TPR: variants seen among roughly 807,000 people sequenced by gnomAD.
TPR encodes the protein translocated promoter region, nuclear basket protein, also known as nucleoprotein TPR.
In TPR, 51 loss-of-function variants were observed where a neutral mutation model predicts 316.1. The observed-to-expected ratio is 0.16, with a 90% CI of 0.13 to 0.20. The LOEUF is 0.20. Ranked by LOEUF, TPR falls within the 10% of genes least tolerant of loss-of-function variation. The probability of loss-of-function intolerance (pLI) is 1.00; values close to 1 mark genes in which losing one functional copy is unlikely to be tolerated. For synonymous variants in TPR, 981 were observed against 914.7 expected (o/e 1.07, Z -1.31); for missense variants, 2,272 against 2,754.8 (o/e 0.82, Z 3.92).
intron 49 of TPR, among the ~76,000 whole-genome samples, chr1:186,316,244 T>C (rs1269342384): frequency 6.6e-6 from 1 of 152,158 alleles, no homozygotes; most frequent in Non-Finnish European, 1.5e-5. Context: ...TTACTGCGTA[T>C]GAAATGGTTC....
chr1:186,314,846 T>C (rs1022668995), intron 49 of TPR, 122 bp from the exon 50 acceptor site: 2 of 563,692 alleles, frequency 3.5e-6, no homozygotes, highest in Admixed American at 3.6e-5. Context: ...TTGATTTCAA[T>C]TCTTTTTTTC....
intron 6 of TPR, 89 bp from the exon 7 acceptor site, chr1:186,362,469 A>G: frequency 2.1e-6 from 2 of 965,072 alleles, no homozygotes; most frequent in Non-Finnish European, 3.1e-6. Flanking sequence ...GGAAAAGCTA[A>G]GTAACTCCCC....
At position 186,346,291 on chromosome 1, in the gene TPR, T is replaced by C; in HGVS notation, c.2944-4A>G. On this transcript the variant is annotated splice_polypyrimidine_tract_variant and splice_region_variant and intron_variant, in intron 22 of 50. Transcript: ENST00000367478. Reference sequence around the variant, plus strand: ...TCTTACGCACTTCTTCTGTCACCTTTACCATATTACAAACAGTAGGATATA... The same window carrying C: ...TCTTACGCACTTCTTCTGTCACCTTCACCATATTACAAACAGTAGGATATA... The C allele has an allele frequency of 6.2e-7, 1 of 1,609,592 alleles. No homozygotes were observed. Among genetic ancestry groups the C allele is most frequent in the African/African-American group, 1.3e-5 (1 of 74,808 alleles).
In TPR at chr1:186,360,276, A is replaced by G. The variant is rs769724952; in HGVS notation, c.1188T>C (p.Thr396=). The change falls in exon 11 of 51, where the codon ACT becomes ACC. Residue 396 remains threonine, a synonymous_variant. Coordinates refer to ENST00000367478, the MANE Select transcript of TPR (RefSeq NM_003292.3). ...CAACATTTAATACCATTCTTACCTC[A>G]GTTAGTTTCATCCCAGGTTTCACTA... ...AKIVKPGMKL[T]ELYNAYVETQ... 3.3e-5 allele frequency: 54 copies of G among 1,612,872 alleles called. No homozygotes were observed. Among genetic ancestry groups the G allele is most frequent in the Non-Finnish European group, 4.5e-5 (53 of 1,179,264 alleles).
intron 50 of TPR, chr1:186,314,368 T>C: frequency 2.8e-6 from 1 of 354,844 alleles, no homozygotes; most frequent in East Asian, 4.8e-5. Flanking sequence ...TAACACTTCA[T>C]ATTTTCCAAA....
chr1:186,316,633 T>C lies in TPR; in HGVS notation c.6940+849A>G, dbSNP rs560780641. 2.6e-5 allele frequency among the ~76,000 whole-genome samples: 4 copies of C among 152,340 alleles called. No individual in the cohort carries two copies. In the South Asian group the frequency reaches 8.3e-4, roughly 32 times the overall value. On this transcript the variant is annotated intron_variant, in intron 49 of 50. Coordinates refer to ENST00000367478, the MANE Select transcript of TPR (RefSeq NM_003292.3). The stretch of plus-strand genomic sequence containing the variant: ...AAAATTTGAGATAGATGAGCTAGTA[T>C]AGTGTATTGTTCAAGAGTGGGGTCT...
Position 186,375,165 on chromosome 1 carries a change from C to T in TPR, c.-137G>A, listed in dbSNP as rs1199246930. 8 of 1,541,820 alleles carry T rather than the reference C, an allele frequency of 5.2e-6. No individual in the cohort carries two copies. The highest frequency in any genetic ancestry group is 7.0e-6 in the Non-Finnish European group (8 of 1,143,000). On this transcript the variant is annotated 5_prime_UTR_variant, in exon 1 of 51. Transcript: ENST00000367478. ...CGGTGGCTCGCGCGCGCCCGCCCGC[C>T]GGAGACTCCCGCGGCGGGACCCTGG... is the stretch of plus-strand genomic sequence containing the variant.
intron 46 of TPR, among the ~76,000 whole-genome samples, chr1:186,319,673 G>GT (rs1185954671): frequency 6.6e-6 from 1 of 152,114 alleles, no homozygotes; most frequent in Admixed American, 6.6e-5. Context: ...TGAGCTTATT[G>GT]TAATAGTAGT....
Position 186,323,767 on chromosome 1 carries a change from C to T in TPR, c.6216G>A (p.Gln2072=). Residue 2072 remains glutamine (Q), a synonymous_variant, in exon 43 of 51, where the codon CAG becomes CAA. Transcript: ENST00000367478. The stretch of plus-strand genomic sequence containing the variant: ...GTGGATGTGGTGGGCGTCTCGGTGA[C>T]TGAGGTGCTCGAGGGGCCTGTCTTT... ...ASERQAPRAP[Q]SPRRPPHPLP... is the part of the protein sequence containing the mutation. 6.5e-7 allele frequency: 1 copy of T among 1,541,046 alleles called. No individual in the cohort carries two copies. Among genetic ancestry groups the T allele is most frequent in the East Asian group, 2.5e-5 (1 of 39,420 alleles).
rs1558009430 is a variant in TPR at position 186,341,326 on chromosome 1, C to G, written c.3814G>C (p.Val1272Leu). Residue 1272 changes from valine to leucine, a missense_variant, in exon 28 of 51, where the codon GTT becomes CTT. Coordinates refer to ENST00000367478, the MANE Select transcript of TPR (RefSeq NM_003292.3). The part of the protein sequence containing the change: ...LMKKTETMNV[V>L]METNKMLREE... Reference sequence around the variant, plus strand: ...CTTAGCATTTTATTGGTCTCCATAACTACATTCATTGTTTCAGTTTTCTTC... The same window carrying G: ...CTTAGCATTTTATTGGTCTCCATAAGTACATTCATTGTTTCAGTTTTCTTC... 2 of 1,613,820 alleles carry G rather than the reference C, an allele frequency of 1.2e-6. No individual in the cohort carries two copies. The highest frequency in any genetic ancestry group is 2.7e-5 in the African/African-American group (2 of 74,922).
At chr1:186,356,523 C>G (rs775632985) in intron 14 of TPR, 74 bp from the exon 15 acceptor site, 4 of 1,381,328 alleles carry the variant, frequency 2.9e-6, no homozygotes, top group Non-Finnish European at 3.9e-6. Context: ...TGTAATTAAC[C>G]AAGCATCTTT....
At chr1:186,355,379 C>G (rs1036742205) in intron 17 of TPR, 31 bp downstream of exon 17, 39 of 1,585,286 alleles carry the variant, frequency 2.5e-5, no homozygotes, top group Non-Finnish European at 3.2e-5. Context: ...AACATTTAGA[C>G]TTAATTAATT....
Position 186,325,801 on chromosome 1 carries a change from A to G in TPR, c.6075T>C (p.Gly2025=), listed in dbSNP as rs1377816732. ...AATCAGCAGCTCTGTGATTACCTTC[A>G]CCTCCACCCATACTTTCTTCTGTTT... ...GTETEESMGG[G]EGNHRAADSQ... Residue 2025 remains glycine, a synonymous_variant, in exon 42 of 51, where the codon GGT becomes GGC. Coordinates refer to ENST00000367478, the MANE Select transcript of TPR (RefSeq NM_003292.3). The G allele has an allele frequency of 6.2e-7, 1 of 1,613,594 alleles. No individual in the cohort carries two copies. The highest frequency in any genetic ancestry group is 8.5e-7 in the Non-Finnish European group (1 of 1,179,708).
intron 9 of TPR, 90 bp from the exon 10 acceptor site, chr1:186,360,995 G>T: frequency 7.7e-7 from 1 of 1,294,718 alleles, no homozygotes; most frequent in Non-Finnish European, 1.0e-6. Context: ...TCTCCCCTCA[G>T]CAGATAATAT....
intron 35 of TPR, 79 bp downstream of exon 35, chr1:186,334,989 T>C (rs1571612217): frequency 1.4e-6 from 2 of 1,437,328 alleles, no homozygotes; most frequent in East Asian, 4.6e-5. Flanking sequence ...CAGATTTCTT[T>C]TTCCTAAACA....
At chr1:186,315,714 T>C (rs565242642) in intron 49 of TPR, among the ~76,000 whole-genome samples, 1 of 151,742 alleles carries the variant, frequency 6.6e-6, no homozygotes, top group African/African-American at 2.4e-5. Context: ...ATTACAATGA[T>C]CTACTCGATC....
In TPR at chr1:186,323,687, T is replaced by G; in HGVS notation, c.6296A>C (p.Gln2099Pro). ...CATAATGACCAGTACTTTTAATACC[T>G]GAACTGGTGGTCCCAACTCCTGAGG... ...APPQELGPPV[Q>P]RIQMTRRQSV... The change falls in exon 43 of 51, where the codon CAG becomes CCG. Residue 2099 changes from glutamine (Q) to proline (P), a missense_variant and splice_region_variant. Physicochemically the swap from Gln to Pro is moderately conservative, Grantham distance 76. Coordinates refer to ENST00000367478, the MANE Select transcript of TPR (RefSeq NM_003292.3). 1 of 1,489,758 alleles carries G rather than the reference T, an allele frequency of 6.7e-7. No homozygotes were observed. The highest frequency in any genetic ancestry group is 1.4e-5 in the South Asian group (1 of 70,380). 92.3% of individuals were successfully genotyped at this position (1,489,758 alleles called of 1,614,324 possible).
intron 4 of TPR, among the ~76,000 whole-genome samples, chr1:186,367,685 T>G (rs1659390537): frequency 6.6e-6 from 1 of 152,226 alleles, no homozygotes. Flanking sequence ...GTTCTTCACT[T>G]GTGCACTTTC....
At chr1:186,344,132 C>A in intron 25 of TPR, 42 bp from the exon 26 acceptor site, 1 of 1,572,080 alleles carries the variant, frequency 6.4e-7, no homozygotes, top group Non-Finnish European at 8.6e-7. Flanking sequence ...TTTTCCAATG[C>A]ATATTTAAAA....
Sources: allele counts gnomAD v4.1 joint callset (sites outside exome capture counted in the v4.1 genomes callset), GRCh38; gene constraint gnomAD v4.1.1; transcripts MANE v1.5; gene names NCBI Gene and HGNC (gene_info 2026-07-23, HGNC 2026-07-21).